The following DNAH10 variants were observed in gnomAD, a reference collection of about 807,000 sequenced individuals.
DNAH10 encodes axonemal beta dynein heavy chain 10.
DNAH10 carries 348 observed loss-of-function variants against 506.6 expected under a neutral mutation model. The ratio of observed to expected loss-of-function variants is 0.69; its 90% confidence interval spans 0.63 to 0.75. The LOEUF (loss-of-function observed/expected upper bound fraction) is 0.75. Ranked by LOEUF, DNAH10 falls within the 30% of genes least tolerant of loss-of-function variation. The pLI is 0.00. For synonymous variants in DNAH10, 2,059 were observed against 2,198.6 expected, an observed-to-expected ratio of 0.94 and a Z score of 1.78; for missense variants, 5,179 against 5,787.1, an observed-to-expected ratio of 0.89 and a Z score of 3.41.
rs992495890 is a variant in DNAH10 at position 123,898,662 on chromosome 12, A to G, written c.9488A>G (p.Lys3163Arg). The change falls in exon 56 of 79, where the codon AAG becomes AGG. Residue 3163 changes from lysine (K) to arginine (R), a missense_variant. By Grantham distance (26) the Lys-to-Arg change is conservative. Around this residue, in one of 3 missense-constraint regions of DNAH10, gnomAD observed 4,844 missense variants for 5,430.5 expected, o/e 0.89. Transcript: ENST00000673944. The part of the protein sequence containing the change: ...EKTQCNIAQC[K>R]RLDGGLDKLK... ...TGCCCTCTTTCCTCAGCTCAGTGCA[A>G]GCGTCTGGATGGGGGACTGGACAAG... 3.2e-6 allele frequency: 5 copies of G among 1,581,428 alleles called. No homozygotes were observed. Among genetic ancestry groups the G allele is most frequent in the Admixed American group, 3.6e-5 (2 of 54,928 alleles).
At position 123,833,139 on chromosome 12, in the gene DNAH10, G is replaced by A. The variant is rs1158031310; in HGVS notation, c.4571G>A (p.Trp1524Ter). 3.1e-6 allele frequency: 5 copies of A among 1,612,520 alleles called. No individual in the cohort carries two copies. In the South Asian group the frequency reaches 5.5e-5, roughly 18 times the overall value. The change falls in exon 27 of 79, where the codon TGG becomes TAG. Residue 1524 changes from tryptophan to a stop codon, truncating the protein, a stop_gained. Transcript: ENST00000673944. LOFTEE classifies it high-confidence loss of function. Reference protein sequence around the residue: ...EKAVKEILDTWENMKFTVVKY... With the variant: ...EKAVKEILDT Reference sequence around the variant, plus strand: ...GCTGTGAAGGAAATCCTAGACACGTGGGAAAATATGAAATTCACTGTAGTC... The same window carrying A: ...GCTGTGAAGGAAATCCTAGACACGTAGGAAAATATGAAATTCACTGTAGTC...
chr12:123,896,250 C>G (rs1250003719), intron 54 of DNAH10, among the ~76,000 whole-genome samples: 1 of 151,512 alleles, frequency 6.6e-6, no homozygotes, highest in Admixed American at 6.6e-5. Flanking sequence ...ATTTGTGAGG[C>G]ACCGTTTTTC....
Position 123,934,673 on chromosome 12 carries a change from AG to A in DNAH10, c.13532del (p.Gly4511AspfsTer18), listed in dbSNP as rs754400432. On this transcript the variant is annotated frameshift_variant, in exon 78 of 79. Transcript: ENST00000673944. LOFTEE classifies it high-confidence loss of function. ...LEGADWDIEK[G>X]CLIKSKPKVL... Reference sequence around the variant, plus strand: ...AAGGTGCTGACTGGGATATAGAAAAAGGATGTCTTATCAAGAGCAAACCCAA... The same window carrying A: ...AAGGTGCTGACTGGGATATAGAAAAAGATGTCTTATCAAGAGCAAACCCAA... The A allele has an allele frequency of 3.7e-6, 6 of 1,613,654 alleles. No individual in the cohort carries two copies. In the African/African-American group the frequency reaches 8.0e-5, roughly 22 times the overall value.
At chr12:123,786,750 C>T (rs1415416929) in intron 9 of DNAH10, among the ~76,000 whole-genome samples, 1 of 28,416 alleles carries the variant, frequency 3.5e-5, no homozygotes, top group Non-Finnish European at 7.4e-5. Flanking sequence ...CCTGGAGAGA[C>T]TGAGGCTGAG....
chr12:123,799,455 T>A (rs996316843), intron 14 of DNAH10, 84 bp downstream of exon 14: 2 of 1,498,156 alleles, frequency 1.3e-6, no homozygotes, highest in African/African-American at 1.4e-5. Flanking sequence ...TTTGTTGACA[T>A]TCATGAAGTT....
At chr12:123,763,002 G>A (rs962175193) in intron 1 of DNAH10, among the ~76,000 whole-genome samples, 13 of 152,164 alleles carry the variant, frequency 8.5e-5, no homozygotes, top group African/African-American at 2.9e-4. Context: ...GGTGTGGCAG[G>A]GACCCAGGTC....
chr12:123,768,305 T>C (rs767586015), intron 2 of DNAH10, among the ~76,000 whole-genome samples: 5 of 152,128 alleles, frequency 3.3e-5, no homozygotes, highest in Non-Finnish European at 7.3e-5. Context: ...CAGCTAATTT[T>C]TGTATTTTCA....
chr12:123,848,766 G>A lies in DNAH10; in HGVS notation c.5986G>A (p.Gly1996Arg), dbSNP rs572436622. ...GATTTTCTCTGGCCTGGCACAGTGC[G>A]GGGCTTGGGGCTGCTTTGATGAGTT... The part of the protein sequence containing the change: ...GKIFSGLAQC[G>R]AWGCFDEFNR... The change falls in exon 34 of 79, where the codon GGG becomes AGG. Residue 1996 changes from glycine to arginine, a missense_variant. This residue lies in a region of DNAH10 where 4,844 missense variants were observed against 5,430.5 expected (regional missense o/e 0.89). Coordinates refer to ENST00000673944, the MANE Select transcript of DNAH10 (RefSeq NM_001372106.1). 24 of 1,613,850 alleles carry A rather than the reference G, an allele frequency of 1.5e-5. No individual in the cohort carries two copies. Among genetic ancestry groups the A allele is most frequent in the South Asian group, 4.4e-5 (4 of 91,066 alleles).
rs1040373288 is a variant in DNAH10 at position 123,875,488 on chromosome 12, C to T, written c.8196C>T (p.Thr2732=). 1.2e-6 allele frequency: 2 copies of T among 1,613,308 alleles called. No homozygotes were observed. The highest frequency in any genetic ancestry group is 1.7e-6 in the Non-Finnish European group (2 of 1,179,290). The stretch of plus-strand genomic sequence containing the variant: ...ATTCCTCCATCCTGAAAGGCCACAC[C>T]TCGGTAACTTGATTTTAACTAGAAG... ...LIYSSILKGH[T]STFHESIVAV... Residue 2732 remains threonine (T), a synonymous_variant, in exon 47 of 79, where the codon ACC becomes ACT. Coordinates refer to ENST00000673944, the MANE Select transcript of DNAH10 (RefSeq NM_001372106.1).
In DNAH10 at chr12:123,913,209, G is replaced by T; in HGVS notation, c.10246G>T (p.Ala3416Ser). 1 of 1,609,858 alleles carries T rather than the reference G, an allele frequency of 6.2e-7. No homozygotes were observed. Among genetic ancestry groups the T allele is most frequent in the Non-Finnish European group, 8.5e-7 (1 of 1,178,524 alleles). The part of the protein sequence containing the change: ...ELETLGAKYE[A>S]AILEKQKLQE... The stretch of plus-strand genomic sequence containing the variant: ...GGAAACATTGGGTGCCAAATATGAG[G>T]CCGCCATACTGGAAAAGCAGAAGCT... Residue 3416 changes from alanine (A) to serine (S), a missense_variant, in exon 60 of 79, where the codon GCC (alanine) becomes TCC (serine). Ala to Ser is a moderately conservative substitution (Grantham distance 99). Around this residue, in one of 3 missense-constraint regions of DNAH10, gnomAD observed 4,844 missense variants for 5,430.5 expected, o/e 0.89. Coordinates refer to ENST00000673944, the MANE Select transcript of DNAH10 (RefSeq NM_001372106.1). The surrounding 1 kb of genome is among the most constrained non-coding windows in gnomAD (Gnocchi z 5.1).
At chr12:123,900,671 A>G (rs1164966442) in intron 56 of DNAH10, among the ~76,000 whole-genome samples, 1 of 152,200 alleles carries the variant, frequency 6.6e-6, no homozygotes, top group Non-Finnish European at 1.5e-5. Flanking sequence ...AAGTGGCTTA[A>G]TCCAAAGTGG....
intron 72 of DNAH10, 86 bp from the exon 73 acceptor site, chr12:123,930,316 C>G: frequency 2.2e-6 from 3 of 1,336,800 alleles, no homozygotes; most frequent in Non-Finnish European, 3.0e-6. Context: ...GTCTCTTGAC[C>G]CTGGGTGAGC....
At chr12:123,820,445 A>G (rs1959270347) in intron 23 of DNAH10, 135 bp from the exon 24 acceptor site, 3 of 886,028 alleles carry the variant, frequency 3.4e-6, no homozygotes, top group Admixed American at 2.9e-5. Context: ...GAATGGTGCC[A>G]TGATTCTAAA....
In DNAH10 at chr12:123,926,273, C is replaced by T. The variant is rs1954939273; in HGVS notation, c.11922-364C>T. 6.7e-6 allele frequency among the ~76,000 whole-genome samples: 1 copy of T among 149,868 alleles called. No homozygotes were observed. Among genetic ancestry groups the T allele is most frequent in the Non-Finnish European group, 1.5e-5 (1 of 67,268 alleles). ...AAAAAAAAGAAAAAGAAAAAACCCA[C>T]ACACAAAACACAAAACTCAAAACTC... On this transcript the variant is annotated intron_variant, in intron 68 of 78. Coordinates refer to ENST00000673944, the MANE Select transcript of DNAH10 (RefSeq NM_001372106.1). This position sits in a 1 kb window ranked among gnomAD's most constrained non-coding sequence, Gnocchi z 4.1.
chr12:123,819,197 C>G lies in DNAH10; in HGVS notation c.3947C>G (p.Ala1316Gly). 1 of 1,613,532 alleles carries G rather than the reference C, an allele frequency of 6.2e-7. No individual in the cohort carries two copies. The highest frequency in any genetic ancestry group is 8.5e-7 in the Non-Finnish European group (1 of 1,179,770). ...MNYRVQIEEF[A>G]KRFYSEGPGS... ...TACAGAGTTCAGATAGAGGAGTTTGCAAAGCGTTTTTACAGTGAAGGCCCT... is the reference window on the plus strand; with the variant it reads ...TACAGAGTTCAGATAGAGGAGTTTGGAAAGCGTTTTTACAGTGAAGGCCCT... Residue 1316 changes from alanine (A) to glycine (G), a missense_variant, in exon 23 of 79, where the codon GCA becomes GGA. Around this residue, in one of 3 missense-constraint regions of DNAH10, gnomAD observed 4,844 missense variants for 5,430.5 expected, o/e 0.89. Transcript: ENST00000673944.
At position 123,898,730 on chromosome 12, in the gene DNAH10, C is replaced by G. The variant is rs1953373493; in HGVS notation, c.9556C>G (p.Leu3186Val). 6.2e-7 allele frequency: 1 copy of G among 1,609,412 alleles called. No individual in the cohort carries two copies. Among genetic ancestry groups the G allele is most frequent in the African/African-American group, 1.3e-5 (1 of 74,990 alleles). Residue 3186 changes from leucine (L) to valine (V), a missense_variant, in exon 56 of 79, where the codon CTG (leucine) becomes GTG (valine). Around this residue, in one of 3 missense-constraint regions of DNAH10, gnomAD observed 4,844 missense variants for 5,430.5 expected, o/e 0.89. Transcript: ENST00000673944. ...TIQLDELNQK[L>V]AEQKIVLAEK... ...CCAGCTGGACGAGCTGAACCAGAAG[C>G]TGGCCGAGCAGAAGATCGTGCTGGC...
chr12:123,799,224 G>T (rs183541772), intron 13 of DNAH10, 22 bp from the exon 14 acceptor site: 1 of 1,589,542 alleles, frequency 6.3e-7, no homozygotes, highest in Non-Finnish European at 8.6e-7. Context: ...ACAAAATGAC[G>T]GTTGCTTGAA....
intron 5 of DNAH10, among the ~76,000 whole-genome samples, chr12:123,778,493 G>A (rs1296987827): frequency 1.3e-5 from 2 of 152,026 alleles, no homozygotes; most frequent in Non-Finnish European, 2.9e-5. Context: ...TCAGGAGTTC[G>A]AGACCAGCCT....
chr12:123,823,896 C>T (rs1959694944), intron 24 of DNAH10, among the ~76,000 whole-genome samples: 1 of 151,950 alleles, frequency 6.6e-6, no homozygotes, highest in Non-Finnish European at 1.5e-5. Context: ...TTTAAAAATC[C>T]AATATTGAGA....
Sources: allele counts gnomAD v4.1 joint callset (sites outside exome capture counted in the v4.1 genomes callset), GRCh38; gene constraint gnomAD v4.1.1; regional missense constraint gnomAD v4.1.1; non-coding constraint Gnocchi (gnomAD v3.1); transcripts MANE v1.5; gene names NCBI Gene and HGNC (gene_info 2026-07-23, HGNC 2026-07-21).